GPD2: variants seen among roughly 807,000 people sequenced by gnomAD.
GPD2 encodes the protein glycerol-3-phosphate dehydrogenase 2.
Under a neutral mutation model 82.4 loss-of-function variants are expected in GPD2, and 54 were observed. That is an observed-to-expected ratio of 0.66 (90% CI 0.53 to 0.82). The LOEUF (loss-of-function observed/expected upper bound fraction) is 0.82, where lower values mean the gene tolerates loss of function less well. Among genes scored for constraint, GPD2 ranks in the 40% least tolerant of loss-of-function variants. GPD2 has a pLI of 0.00. For synonymous variants in GPD2, 288 were observed against 306.1 expected (o/e 0.94, Z 0.62); for missense variants, 748 against 896.2 (o/e 0.83, Z 2.11).
chr2:156,513,197 A>ATAAG lies in GPD2; in HGVS notation c.498-134_498-131dup, dbSNP rs1303413707. On this transcript the variant is annotated intron_variant, in intron 5 of 16. Coordinates refer to ENST00000438166, the MANE Select transcript of GPD2 (RefSeq NM_000408.5). ...CTAGGTTGGTGTCAAAAACAGTTGC[A>ATAAG]TAAGTCTGTTTCTTTTGCAGTCCAC... 74 of 749,012 alleles carry ATAAG rather than the reference A, an allele frequency of 9.9e-5. 1 individual carries two copies. In the East Asian group the frequency reaches 1.9e-3, roughly 19 times the overall value. 46.4% of individuals were successfully genotyped at this position (749,012 alleles called of 1,614,324 possible).
chr2:156,484,765 G>C (rs1232467264), intron 2 of GPD2, among the ~76,000 whole-genome samples: 1 of 152,084 alleles, frequency 6.6e-6, no homozygotes, highest in Admixed American at 6.5e-5. Context: ...GCTTGAACCT[G>C]GGAGGTGGAG....
At chr2:156,434,679 C>G (rs1267273851), upstream of GPD2, among the ~76,000 whole-genome samples, 2 of 152,186 alleles carry the variant, frequency 1.3e-5, no homozygotes, top group African/African-American at 4.8e-5. Context: ...ATGCTCTGAA[C>G]TATTTTTCTT....
intron 1 of GPD2, among the ~76,000 whole-genome samples, chr2:156,457,994 G>C (rs1056772052): frequency 6.6e-6 from 1 of 152,166 alleles, no homozygotes; most frequent in Non-Finnish European, 1.5e-5. Flanking sequence ...AATTCACCCA[G>C]GGCTGTCTGT....
At chr2:156,411,794 T>G in the GPD2 span, among the ~76,000 whole-genome samples, 2 of 152,150 alleles carry the variant, frequency 1.3e-5, no homozygotes, top group African/African-American at 4.8e-5. Context: ...AAAATAATGG[T>G]CATTATCTGA....
chr2:156,484,440 C>T (rs1373244280), intron 2 of GPD2, among the ~76,000 whole-genome samples: 1 of 152,154 alleles, frequency 6.6e-6, no homozygotes, highest in African/African-American at 2.4e-5. Flanking sequence ...CAATCTTTCT[C>T]TTTAAAAAAA....
At position 156,583,328 on chromosome 2, in the gene GPD2, T is replaced by C. The variant is rs1688097426; in HGVS notation, c.*410T>C. On this transcript the variant is annotated 3_prime_UTR_variant, in exon 17 of 17. Transcript: ENST00000438166. ...GATAGCATGTGTTATTAAAAAGAGT[T>C]GCCTATTGAAATGATCATGTTTCTG... 1 of 238,654 alleles carries C rather than the reference T, an allele frequency of 4.2e-6. No homozygotes were observed. The highest frequency in any genetic ancestry group is 2.3e-5 in the African/African-American group (1 of 43,962). 14.8% of individuals were successfully genotyped at this position (238,654 alleles called of 1,614,324 possible). A position where few individuals can be genotyped will look rare whatever the true frequency, so the allele number is the denominator to read the frequency against.
chr2:156,502,903 A>G (rs928207429), intron 3 of GPD2, among the ~76,000 whole-genome samples: 1 of 151,020 alleles, frequency 6.6e-6, no homozygotes, highest in East Asian at 1.9e-4. Flanking sequence ...ATTTTTTTTA[A>G]TCTTTCATGC....
chr2:156,464,337 C>T (rs1029724086), intron 1 of GPD2, among the ~76,000 whole-genome samples: 1 of 152,128 alleles, frequency 6.6e-6, no homozygotes, highest in Non-Finnish European at 1.5e-5. Flanking sequence ...CACTACAGTA[C>T]GTCTCAGGTT....
chr2:156,407,817 A>G, the GPD2 span, among the ~76,000 whole-genome samples: 1 of 152,166 alleles, frequency 6.6e-6, no homozygotes, highest in African/African-American at 2.4e-5. Context: ...TACATTTTAA[A>G]TATTGCAAAA....
At chr2:156,546,146 G>A (rs1686523463) in intron 6 of GPD2, among the ~76,000 whole-genome samples, 1 of 152,224 alleles carries the variant, frequency 6.6e-6, no homozygotes, top group South Asian at 2.1e-4. Context: ...GTGCAAAAGA[G>A]AACAGAGTCG....
At chr2:156,550,774 C>A (rs776943261) in intron 8 of GPD2, 28 bp downstream of exon 8, 2 of 1,600,666 alleles carry the variant, frequency 1.2e-6, no homozygotes, top group Non-Finnish European at 8.6e-7. Context: ...TGGCAGTTGT[C>A]ACCCAAAAAA....
chr2:156,550,585 G>A lies in GPD2; in HGVS notation c.827-17G>A. The stretch of plus-strand genomic sequence containing the variant: ...GAAACAAATGAGGTGTGTGATTGAT[G>A]CCACTTTCTTTCACAGGGCAGGAAT... On this transcript the variant is annotated splice_polypyrimidine_tract_variant and intron_variant, in intron 7 of 16. Coordinates refer to ENST00000438166, the MANE Select transcript of GPD2 (RefSeq NM_000408.5). The A allele has an allele frequency of 6.2e-7, 1 of 1,613,234 alleles. No homozygotes were observed. The highest frequency in any genetic ancestry group is 1.1e-5 in the South Asian group (1 of 91,072).
chr2:156,539,003 T>G (rs1004039858), intron 6 of GPD2, among the ~76,000 whole-genome samples: 2 of 152,152 alleles, frequency 1.3e-5, no homozygotes, highest in African/African-American at 2.4e-5. Flanking sequence ...TTTCATTTCA[T>G]CTTTTAGAGT....
At chr2:156,489,738 C>G (rs1211963078) in intron 2 of GPD2, among the ~76,000 whole-genome samples, 5 of 116,448 alleles carry the variant, frequency 4.3e-5, no homozygotes, top group African/African-American at 1.0e-4. Context: ...CTCCCTCCCT[C>G]CCTCCCTCCC....
At position 156,496,222 on chromosome 2, in the gene GPD2, C is replaced by CT. The variant is rs55843224; in HGVS notation, c.274+19dup. 18,829 of 1,317,368 alleles carry CT rather than the reference C, an allele frequency of 0.014. No individual in the cohort carries two copies. The highest frequency in any genetic ancestry group is 0.017 in the Non-Finnish European group (15,749 of 947,226). The allele number at this position is 1,317,368 out of a possible 1,614,324, so 81.6% of individuals were successfully genotyped here. A position where few individuals can be genotyped will look rare whatever the true frequency, so the allele number is the denominator to read the frequency against. ...CTAGATGCTGTCACCAGAGGTAAGT[C>CT]TTTTTTTTTTTTATTTTAATTTTAA... On this transcript the variant is annotated splice_region_variant and intron_variant, in intron 3 of 16. Transcript: ENST00000438166.
intron 2 of GPD2, 133 bp downstream of exon 2, chr2:156,476,340 C>G: frequency 1.4e-6 from 1 of 697,040 alleles, no homozygotes; most frequent in Non-Finnish European, 2.7e-6. Context: ...CTGAAAGATA[C>G]TAATTTAGAA....
chr2:156,559,034 G>T (rs1460322570), intron 9 of GPD2, among the ~76,000 whole-genome samples: 2 of 151,960 alleles, frequency 1.3e-5, no homozygotes, highest in African/African-American at 2.4e-5. Flanking sequence ...TAGGTTTCAT[G>T]TCTTATTATG....
intron 1 of GPD2, among the ~76,000 whole-genome samples, chr2:156,449,361 A>G (rs1242794934): frequency 2.0e-5 from 3 of 152,180 alleles, no homozygotes; most frequent in Non-Finnish European, 4.4e-5. Flanking sequence ...TGGTTTTGCT[A>G]TAAAGTAGTC....
In GPD2 at chr2:156,583,185, A is replaced by C. The variant is rs1224852643; in HGVS notation, c.*267A>C. 1 of 428,152 alleles carries C rather than the reference A, an allele frequency of 2.3e-6. No homozygotes were observed. Among genetic ancestry groups the C allele is most frequent in the East Asian group, 5.0e-5 (1 of 20,144 alleles). The allele number at this position is 428,152 out of a possible 1,614,324, so 26.5% of individuals were successfully genotyped here. On this transcript the variant is annotated 3_prime_UTR_variant, in exon 17 of 17. Transcript: ENST00000438166. Reference sequence around the variant, plus strand: ...ACATTAGTTTTGCATCTGTTTTGTGACCTGTTAGATGTGACACATTCTCTT... The same window carrying C: ...ACATTAGTTTTGCATCTGTTTTGTGCCCTGTTAGATGTGACACATTCTCTT...
Sources: gnomAD v4.1 joint callset for allele counts (sites outside exome capture counted in the v4.1 genomes callset) on GRCh38, gnomAD v4.1.1 for gene constraint, MANE v1.5 for transcripts, NCBI Gene and HGNC (gene_info 2026-07-23, HGNC 2026-07-21) for gene names.